AKAP7: variants seen among roughly 807,000 people sequenced by gnomAD.
AKAP7 encodes A kinase (PRKA) anchor protein 7.
A neutral mutation model predicts 39.5 loss-of-function variants in AKAP7; 39 were observed. That is an observed-to-expected ratio of 0.99 (90% CI 0.76 to 1.29). The LOEUF (loss-of-function observed/expected upper bound fraction) is 1.29. AKAP7 is among the 50% of genes most tolerant of loss of function. The pLI is 0.00. For synonymous variants in AKAP7, 140 were observed against 139.1 expected (o/e 1.01, Z -0.05); for missense variants, 414 against 407.7 (o/e 1.02, Z -0.13).
intron 7 of AKAP7, among the ~76,000 whole-genome samples, chr6:131,280,302 C>T (rs1323627117): frequency 3.3e-5 from 5 of 152,120 alleles, no homozygotes; most frequent in Non-Finnish European, 7.4e-5. Context: ...CCTACCCTCT[C>T]TTCTGCTTAG....
Position 131,277,026 on chromosome 6 carries a change from A to G in AKAP7, c.851-4504A>G, listed in dbSNP as rs1446209567. The stretch of plus-strand genomic sequence containing the variant: ...AAAGGAGTTATTTATTTTCTTTTCA[A>G]TAACCACAGATATAAATTTTATCCC... On this transcript the variant is annotated intron_variant, in intron 7 of 7. Coordinates refer to ENST00000431975, the MANE Select transcript of AKAP7 (RefSeq NM_016377.4). Among the ~76,000 whole-genome samples, 5 of 152,182 alleles carry G rather than the reference A, an allele frequency of 3.3e-5. No individual in the cohort carries two copies. In the East Asian group the frequency reaches 5.8e-4, roughly 18 times the overall value.
chr6:131,261,881 A>C (rs1813376905), intron 7 of AKAP7, among the ~76,000 whole-genome samples: 1 of 152,090 alleles, frequency 6.6e-6, no homozygotes, highest in Non-Finnish European at 1.5e-5. Context: ...TAACGTAGGG[A>C]ATTAGTTAAG....
chr6:131,190,603 C>G (rs1050495294), intron 5 of AKAP7, among the ~76,000 whole-genome samples: 1 of 150,394 alleles, frequency 6.6e-6, no homozygotes, highest in African/African-American at 2.5e-5. Flanking sequence ...TGAGATTGTA[C>G]CATTGCAATA....
intron 7 of AKAP7, among the ~76,000 whole-genome samples, chr6:131,227,179 A>G (rs1289475945): frequency 6.6e-6 from 1 of 152,212 alleles, no homozygotes; most frequent in African/African-American, 2.4e-5. Flanking sequence ...CAATAGAGAA[A>G]GGAGACTTTC....
At chr6:131,168,518 C>T (rs1352170905) in intron 4 of AKAP7, among the ~76,000 whole-genome samples, 5 of 151,886 alleles carry the variant, frequency 3.3e-5, no homozygotes, top group African/African-American at 4.8e-5. Context: ...ACATAGCAGG[C>T]GTATAATTGC....
At position 131,212,454 on chromosome 6, in the gene AKAP7, T is replaced by C. The variant is rs118105829; in HGVS notation, c.703-7207T>C. On this transcript the variant is annotated intron_variant, in intron 6 of 7. Coordinates refer to ENST00000431975, the MANE Select transcript of AKAP7 (RefSeq NM_016377.4). Reference sequence around the variant, plus strand: ...GTTTTTTTCCCATCAGACTCCCTTATATCTGTTACGATGTCCAGGGAACAG... The same window carrying C: ...GTTTTTTTCCCATCAGACTCCCTTACATCTGTTACGATGTCCAGGGAACAG... Among the ~76,000 whole-genome samples the C allele has an allele frequency of 1.3e-4, 20 of 152,360 alleles. 1 individual carries two copies. The East Asian group carries it at 3.9e-3, about 29-fold the overall frequency.
intron 5 of AKAP7, among the ~76,000 whole-genome samples, chr6:131,170,637 C>T (rs1803960839): frequency 6.6e-6 from 1 of 152,204 alleles, no homozygotes. Flanking sequence ...TGCCTCTTTG[C>T]AGTTTAATAA....
intron 6 of AKAP7, among the ~76,000 whole-genome samples, chr6:131,206,442 G>A (rs996728044): frequency 6.6e-6 from 1 of 152,150 alleles, no homozygotes; most frequent in African/African-American, 2.4e-5. Context: ...AAGGGCTGAA[G>A]GGTGATCATT....
intron 5 of AKAP7, among the ~76,000 whole-genome samples, chr6:131,194,666 G>C (rs1806745320): frequency 6.6e-6 from 1 of 152,008 alleles, no homozygotes; most frequent in Non-Finnish European, 1.5e-5. Context: ...TATTGTATTG[G>C]AGTCTCTCCC....
At chr6:131,140,256 C>T (rs1014507576) in intron 1 of AKAP7, among the ~76,000 whole-genome samples, 16 of 138,044 alleles carry the variant, frequency 1.2e-4, no homozygotes, top group South Asian at 4.6e-4. Context: ...GACACACATG[C>T]GTTCTAGTGA....
intron 6 of AKAP7, among the ~76,000 whole-genome samples, chr6:131,206,524 A>G (rs542420360): frequency 7.2e-4 from 109 of 152,266 alleles, no homozygotes; most frequent in African/African-American, 2.5e-3. Context: ...TAGGAATGGA[A>G]AAGGAGAGCA....
intron 6 of AKAP7, among the ~76,000 whole-genome samples, chr6:131,214,147 T>C (rs1808934044): frequency 6.6e-6 from 1 of 152,198 alleles, no homozygotes; most frequent in African/African-American, 2.4e-5. Context: ...ACTGCTTTCC[T>C]AGCTACTTGA....
intron 7 of AKAP7, among the ~76,000 whole-genome samples, chr6:131,226,333 A>T (rs939408958): frequency 6.6e-6 from 1 of 152,192 alleles, no homozygotes; most frequent in Non-Finnish European, 1.5e-5. Flanking sequence ...TATGGTGGCA[A>T]CATTCCTATT....
Position 131,149,393 on chromosome 6 carries a change from G to A in AKAP7, c.151+3977G>A, listed in dbSNP as rs545867730. Among the ~76,000 whole-genome samples, 16 of 152,326 alleles carry A rather than the reference G, an allele frequency of 1.1e-4. No homozygotes were observed. In the East Asian group the frequency reaches 1.9e-3, roughly 18 times the overall value. The stretch of plus-strand genomic sequence containing the variant: ...CTCACACCTGTAATCCCAGCACTTC[G>A]GGAGGCCGAGTTGGGCGGATCTTTT... On this transcript the variant is annotated intron_variant, in intron 2 of 7. Transcript: ENST00000431975.
chr6:131,171,865 C>A (rs1296119482), intron 5 of AKAP7, among the ~76,000 whole-genome samples: 1 of 151,954 alleles, frequency 6.6e-6, no homozygotes, highest in South Asian at 2.1e-4. Context: ...CATTATTGGA[C>A]GTACATTAGA....
chr6:131,130,846 G>C (rs12200100), upstream of AKAP7, among the ~76,000 whole-genome samples: 12 of 152,210 alleles, frequency 7.9e-5, no homozygotes, highest in African/African-American at 2.9e-4. Flanking sequence ...AAGGACTGGC[G>C]TCTTGGCATG....
upstream of AKAP7, among the ~76,000 whole-genome samples, chr6:131,132,888 C>A (rs1425976072): frequency 6.6e-6 from 1 of 152,146 alleles, no homozygotes; most frequent in African/African-American, 2.4e-5. Context: ...GGTTTATTTA[C>A]ATGGAGTAAA....
intron 7 of AKAP7, among the ~76,000 whole-genome samples, chr6:131,226,796 T>G (rs1810203531): frequency 6.6e-6 from 1 of 152,198 alleles, no homozygotes; most frequent in African/African-American, 2.4e-5. Context: ...GTCCAGTATA[T>G]TTATAACTTC....
At chr6:131,137,117 C>A (rs951513916) in intron 1 of AKAP7, among the ~76,000 whole-genome samples, 1 of 151,868 alleles carries the variant, frequency 6.6e-6, no homozygotes, top group African/African-American at 2.4e-5. Flanking sequence ...TCTGTGCCAA[C>A]ATGCCTGACT....
Sources: gnomAD v4.1 joint callset for allele counts (sites outside exome capture counted in the v4.1 genomes callset) on GRCh38, gnomAD v4.1.1 for gene constraint, MANE v1.5 for transcripts, NCBI Gene and HGNC (gene_info 2026-07-23, HGNC 2026-07-21) for gene names.